Variants in MAP6D1 observed in about 807,000 individuals in gnomAD.
MAP6D1 encodes MAP6 domain-containing protein 1.
MAP6D1 carries 13 observed loss-of-function variants against 17.4 expected under a neutral mutation model. That is an observed-to-expected ratio of 0.75 (90% CI 0.49 to 1.19). The LOEUF is 1.19. Ranked by LOEUF, MAP6D1 falls within the 50% of genes most tolerant of loss-of-function variation. The pLI is 0.00. For missense variants in MAP6D1, 313 were observed against 312.6 expected, an observed-to-expected ratio of 1.00 and a Z score of -0.01; for synonymous variants, 141 against 145.7, an observed-to-expected ratio of 0.97 and a Z score of 0.23.
chr3:183,822,290 CACA>C (rs1399098576), intron 1 of MAP6D1, among the ~76,000 whole-genome samples: 27 of 116,100 alleles, frequency 2.3e-4, no homozygotes, highest in African/African-American at 8.4e-4. Context: ...CACACACACA[CACA>C]AAACCCCACA....
In MAP6D1 at chr3:183,818,626, C is replaced by T. The variant is rs144574265; in HGVS notation, c.402-515G>A. Among the ~76,000 whole-genome samples, 843 of 152,334 alleles carry T rather than the reference C, an allele frequency of 5.5e-3. 8 individuals are homozygous for T. Among genetic ancestry groups the T allele is most frequent in the Admixed American group, 0.019 (290 of 15,310 alleles). On this transcript the variant is annotated intron_variant, in intron 1 of 2. Coordinates refer to ENST00000318631, the MANE Select transcript of MAP6D1 (RefSeq NM_024871.4). ...CCTGAAGAGGAAATGCCCTCAGCACCGGGCACAGCCCTGGCTTGCCAGACC... is the reference window on the plus strand; with the variant it reads ...CCTGAAGAGGAAATGCCCTCAGCACTGGGCACAGCCCTGGCTTGCCAGACC...
At chr3:183,820,726 C>T (rs1437405073) in intron 1 of MAP6D1, among the ~76,000 whole-genome samples, 3 of 136,430 alleles carry the variant, frequency 2.2e-5, no homozygotes, top group East Asian at 2.2e-4. Context: ...GGTGAAACCC[C>T]GTCTCTAGTA....
chr3:183,818,054 T>C lies in MAP6D1; in HGVS notation c.459A>G (p.Pro153=). The C allele has an allele frequency of 6.2e-7, 1 of 1,614,198 alleles. No homozygotes were observed. Among genetic ancestry groups the C allele is most frequent in the Non-Finnish European group, 8.5e-7 (1 of 1,180,028 alleles). ...AAGTGTGGGTTGTGATGACTCGGGCTGGTTTTGTCTTTGTGGATCTTGAGG... is the reference window on the plus strand; with the variant it reads ...AAGTGTGGGTTGTGATGACTCGGGCCGGTTTTGTCTTTGTGGATCTTGAGG... ...VKPSRSTKTK[P]ARVITTHTSG... Residue 153 remains proline, a synonymous_variant, in exon 2 of 3, where the codon CCA becomes CCG. Coordinates refer to ENST00000318631, the MANE Select transcript of MAP6D1 (RefSeq NM_024871.4).
rs371953801 is a variant in MAP6D1, at chr3:183,822,460, C to A, written c.401+2687G>T. 2.4e-4 allele frequency among the ~76,000 whole-genome samples: 36 copies of A among 150,638 alleles called. 1 individual carries two copies. The highest frequency in any genetic ancestry group is 7.7e-4 in the East Asian group (4 of 5,180). ...AACAAAACAAACAACAACAAAAAAA[C>A]CCCCCAAAAACCCAACTGTATCAAG... On this transcript the variant is annotated intron_variant, in intron 1 of 2. Coordinates refer to ENST00000318631, the MANE Select transcript of MAP6D1 (RefSeq NM_024871.4).
intron 1 of MAP6D1, chr3:183,820,068 T>C (rs1727210523): frequency 6.6e-6 from 1 of 152,246 alleles, no homozygotes; most frequent in Non-Finnish European, 1.5e-5. Context: ...GCTGTGCCCA[T>C]GTGGCCAGGC....
At chr3:183,821,788 A>T (rs1264431383) in intron 1 of MAP6D1, among the ~76,000 whole-genome samples, 1 of 151,802 alleles carries the variant, frequency 6.6e-6, no homozygotes, top group Non-Finnish European at 1.5e-5. Context: ...TCATCCTCCC[A>T]AAGTGCTGGG....
intron 1 of MAP6D1, among the ~76,000 whole-genome samples, chr3:183,821,976 A>G (rs1163434870): frequency 2.0e-5 from 3 of 152,100 alleles, no homozygotes; most frequent in African/African-American, 7.2e-5. Flanking sequence ...TTAACTTTAA[A>G]ATAAAAAAAA....
At chr3:183,817,892 G>A (rs1727154021) in intron 2 of MAP6D1, 102 bp downstream of exon 2, 2 of 915,952 alleles carry the variant, frequency 2.2e-6, no homozygotes, top group Middle Eastern at 2.8e-4. Context: ...TGCTGTCCCT[G>A]GTCATAATTG....
rs1727096028 is a variant in MAP6D1 at position 183,816,102 on chromosome 3, G to C, written c.*1254C>G. 6.6e-6 allele frequency: 1 copy of C among 152,214 alleles called. No individual in the cohort carries two copies. The highest frequency in any genetic ancestry group is 2.4e-5 in the African/African-American group (1 of 41,442). 9.4% of individuals were successfully genotyped at this position (152,214 alleles called of 1,614,324 possible). On this transcript the variant is annotated 3_prime_UTR_variant, in exon 3 of 3. Coordinates refer to ENST00000318631, the MANE Select transcript of MAP6D1 (RefSeq NM_024871.4). ...CTTTAAAGCGAGCCTCTCATCAAGAGCATTTCCTTTGCTGGCATGAGGGGA... is the reference window on the plus strand; with the variant it reads ...CTTTAAAGCGAGCCTCTCATCAAGACCATTTCCTTTGCTGGCATGAGGGGA...
At chr3:183,825,071 C>T in intron 1 of MAP6D1, 76 bp downstream of exon 1, 1 of 1,277,290 alleles carries the variant, frequency 7.8e-7, no homozygotes, top group South Asian at 2.7e-5. Flanking sequence ...CCGCCCACCC[C>T]ATCCCTCTGG....
At chr3:183,817,877 G>T in intron 2 of MAP6D1, 117 bp downstream of exon 2, 1 of 814,446 alleles carries the variant, frequency 1.2e-6, no homozygotes, top group Non-Finnish European at 2.0e-6. Context: ...ACATCTGGTT[G>T]GCACTGCTGT....
intron 1 of MAP6D1, among the ~76,000 whole-genome samples, chr3:183,822,207 G>A (rs1727273253): frequency 6.6e-6 from 1 of 151,270 alleles, no homozygotes; most frequent in Non-Finnish European, 1.5e-5. Flanking sequence ...AGGAATTTGA[G>A]ACCAGCCTGG....
rs1406379316 is a variant in MAP6D1 at position 183,817,184 on chromosome 3, C to T, written c.*172G>A. The stretch of plus-strand genomic sequence containing the variant: ...GAGGCTGAGCTGGGTGTGCCAAGTC[C>T]ATCGGTGCATCTGCTCCACACCAGC... On this transcript the variant is annotated 3_prime_UTR_variant, in exon 3 of 3. Coordinates refer to ENST00000318631, the MANE Select transcript of MAP6D1 (RefSeq NM_024871.4). 2 of 626,818 alleles carry T rather than the reference C, an allele frequency of 3.2e-6. No homozygotes were observed. Among genetic ancestry groups the T allele is most frequent in the Admixed American group, 2.7e-5 (1 of 37,482 alleles). 38.8% of individuals were successfully genotyped at this position (626,818 alleles called of 1,614,324 possible). A position where few individuals can be genotyped will look rare whatever the true frequency, so the allele number is the denominator to read the frequency against.
chr3:183,818,892 C>T (rs374033295), intron 1 of MAP6D1, among the ~76,000 whole-genome samples: 16 of 152,234 alleles, frequency 1.1e-4, no homozygotes, highest in Admixed American at 9.8e-4. Context: ...AGGCTGGCAC[C>T]GCTAGCTCCA....
In MAP6D1 at chr3:183,818,027, C is replaced by G. The variant is rs61729274; in HGVS notation, c.486G>C (p.Ser162=). The G allele has an allele frequency of 6.2e-7, 1 of 1,614,184 alleles. No individual in the cohort carries two copies. The highest frequency in any genetic ancestry group is 8.5e-7 in the Non-Finnish European group (1 of 1,180,032). Residue 162 remains serine, a synonymous_variant, in exon 2 of 3, where the codon TCG becomes TCC. Coordinates refer to ENST00000318631, the MANE Select transcript of MAP6D1 (RefSeq NM_024871.4). ...CGGCCCCAGGGCTGCTGTCCCATCC[C>G]GAAGTGTGGGTTGTGATGACTCGGG... ...KPARVITTHT[S]GWDSSPGAGF...
At chr3:183,819,044 A>C (rs1028166764) in intron 1 of MAP6D1, among the ~76,000 whole-genome samples, 1 of 152,242 alleles carries the variant, frequency 6.6e-6, no homozygotes, top group African/African-American at 2.4e-5. Context: ...GCACCTGGCC[A>C]AGGTGGAAGT....
At position 183,817,046 on chromosome 3, in the gene MAP6D1, C is replaced by A; in HGVS notation, c.*310G>T. 3 of 389,048 alleles carry A rather than the reference C, an allele frequency of 7.7e-6. No homozygotes were observed. Among genetic ancestry groups the A allele is most frequent in the South Asian group, 2.4e-5 (1 of 41,024 alleles). The allele number at this position is 389,048 out of a possible 1,614,324, so 24.1% of individuals were successfully genotyped here. A position where few individuals can be genotyped will look rare whatever the true frequency, so the allele number is the denominator to read the frequency against. ...ATTCCTCAGCTTCCATGGACCAATT[C>A]GGTTCCCAACTGACTTGATCCTCAG... On this transcript the variant is annotated 3_prime_UTR_variant, in exon 3 of 3. Transcript: ENST00000318631.
chr3:183,825,057 T>C, intron 1 of MAP6D1, 90 bp downstream of exon 1: 1 of 1,245,242 alleles, frequency 8.0e-7, no homozygotes, highest in Non-Finnish European at 1.0e-6. Context: ...GCGCCTCCGC[T>C]CTGCCGCCCA....
chr3:183,825,236 G>A lies in MAP6D1; in HGVS notation c.312C>T (p.Ser104=), dbSNP rs866694577. The A allele has an allele frequency of 3.6e-6, 5 of 1,400,068 alleles. No homozygotes were observed. The highest frequency in any genetic ancestry group is 1.7e-5 in the South Asian group (1 of 59,962). 86.7% of individuals were successfully genotyped at this position (1,400,068 alleles called of 1,614,324 possible). A position where few individuals can be genotyped will look rare whatever the true frequency, so the allele number is the denominator to read the frequency against. The change falls in exon 1 of 3, where the codon TCC becomes TCT. Residue 104 remains serine (S), a synonymous_variant. Coordinates refer to ENST00000318631, the MANE Select transcript of MAP6D1 (RefSeq NM_024871.4). ...GGGCGCCGGGCGCAGGTGGCGCGGA[G>A]GACTGCGCGGAGGATTTGCCCCTGC... ...GGRRGKSSAQ[S]SAPPAPGARG...
Sources: gnomAD v4.1 joint callset for allele counts (sites outside exome capture counted in the v4.1 genomes callset) on GRCh38, gnomAD v4.1.1 for gene constraint, MANE v1.5 for transcripts, NCBI Gene and HGNC (gene_info 2026-07-23, HGNC 2026-07-21) for gene names.